CNGB3: variants seen among roughly 807,000 people sequenced by gnomAD.
The protein encoded by CNGB3 is cyclic nucleotide-gated channel beta-3.
In CNGB3, 86 loss-of-function variants were observed where a neutral mutation model predicts 92.8. The observed-to-expected ratio is 0.93, with a 90% CI of 0.78 to 1.11. The LOEUF is 1.11. CNGB3 is among the 50% of genes least tolerant of loss of function. The probability of loss-of-function intolerance (pLI) is 0.00; values close to 1 mark genes in which losing one functional copy is unlikely to be tolerated. For synonymous variants in CNGB3, 333 were observed against 332.7 expected (o/e 1.00, Z -0.01); for missense variants, 1,026 against 956.8 (o/e 1.07, Z -0.95).
chr8:86,578,990 T>C, intron 16 of CNGB3, 116 bp downstream of exon 16: 1 of 1,534,540 alleles, frequency 6.5e-7, no homozygotes, highest in Non-Finnish European at 9.0e-7. Flanking sequence ...AGTTGTTCAT[T>C]AAGCATATCT....
intron 3 of CNGB3, among the ~76,000 whole-genome samples, chr8:86,708,341 C>T (rs945923781): frequency 6.6e-6 from 1 of 151,816 alleles, no homozygotes; most frequent in Non-Finnish European, 1.5e-5. Flanking sequence ...CTCTGGTAAG[C>T]CAGATAAAGA....
At chr8:86,714,463 G>A (rs1044341907) in intron 3 of CNGB3, among the ~76,000 whole-genome samples, 2 of 152,154 alleles carry the variant, frequency 1.3e-5, no homozygotes, top group Non-Finnish European at 2.9e-5. Flanking sequence ...CATATTGCTA[G>A]AAATATGTTA....
chr8:86,587,864 A>G (rs1563716505), intron 15 of CNGB3, among the ~76,000 whole-genome samples: 2 of 152,086 alleles, frequency 1.3e-5, no homozygotes, highest in South Asian at 4.1e-4. Flanking sequence ...GTATTTTCCA[A>G]TTCTGTGATG....
intron 2 of CNGB3, 99 bp downstream of exon 2, chr8:86,739,556 C>T (rs144976758): frequency 6.9e-5 from 106 of 1,546,388 alleles, no homozygotes; most frequent in Non-Finnish European, 8.9e-5. Context: ...AGATAATTCA[C>T]CTAGTCAAGG....
At chr8:86,722,080 A>G (rs1824981615) in intron 3 of CNGB3, among the ~76,000 whole-genome samples, 1 of 152,156 alleles carries the variant, frequency 6.6e-6, no homozygotes, top group African/African-American at 2.4e-5. Context: ...GCCATATACT[A>G]TAGTGTAAAA....
chr8:86,667,471 C>G (rs1823765793), intron 5 of CNGB3, among the ~76,000 whole-genome samples: 1 of 152,212 alleles, frequency 6.6e-6, no homozygotes. Context: ...ACAGACATCA[C>G]TGCAGCCACA....
At position 86,647,633 on chromosome 8, in the gene CNGB3, TA is replaced by T. The variant is rs569316216; in HGVS notation, c.990+167del. 1.3e-4 allele frequency among the ~76,000 whole-genome samples: 20 copies of T among 150,908 alleles called. 1 individual carries two copies. In the South Asian group the frequency reaches 3.7e-3, roughly 28 times the overall value. Reference sequence around the variant, plus strand: ...AGTAGACATTTTTTTCTTCATTCATTAAAAAAAATTATAGCATTGATGAGGG... The same window carrying T: ...AGTAGACATTTTTTTCTTCATTCATTAAAAAAATTATAGCATTGATGAGGG... On this transcript the variant is annotated intron_variant, in intron 8 of 17. Transcript: ENST00000320005.
At chr8:86,690,856 A>T (rs1435103591) in intron 3 of CNGB3, among the ~76,000 whole-genome samples, 1 of 152,192 alleles carries the variant, frequency 6.6e-6, no homozygotes, top group African/African-American at 2.4e-5. Context: ...TTTGTCAAAG[A>T]TCAGGTAGTT....
chr8:86,674,487 T>C (rs962868819), intron 3 of CNGB3, among the ~76,000 whole-genome samples: 2 of 152,202 alleles, frequency 1.3e-5, no homozygotes, highest in Admixed American at 6.5e-5. Flanking sequence ...TCTGCCTATA[T>C]ACATATGGAA....
intron 15 of CNGB3, among the ~76,000 whole-genome samples, chr8:86,579,761 G>A (rs2131533259): frequency 6.6e-6 from 1 of 152,274 alleles, no homozygotes; most frequent in African/African-American, 2.4e-5. Flanking sequence ...GGTTAGCAGT[G>A]GCTGCAGTTC....
At chr8:86,684,148 C>A (rs1031546301) in intron 3 of CNGB3, among the ~76,000 whole-genome samples, 14 of 151,988 alleles carry the variant, frequency 9.2e-5, no homozygotes, top group Non-Finnish European at 1.5e-4. Context: ...AATTCAACAG[C>A]AAAATACCAA....
At chr8:86,650,033 A>G (rs189655288) in intron 7 of CNGB3, among the ~76,000 whole-genome samples, 1 of 151,522 alleles carries the variant, frequency 6.6e-6, no homozygotes, top group South Asian at 2.1e-4. Context: ...TGGCCAAAAA[A>G]CATGAAAAAA....
chr8:86,699,723 A>G lies in CNGB3; in HGVS notation c.338+26808T>C, dbSNP rs151228362. Among the ~76,000 whole-genome samples, 5 of 152,332 alleles carry G rather than the reference A, an allele frequency of 3.3e-5. No individual in the cohort carries two copies. In the East Asian group the frequency reaches 7.7e-4, roughly 24 times the overall value. On this transcript the variant is annotated intron_variant, in intron 3 of 17. Transcript: ENST00000320005. ...AGAAATTTAATTGCCCAGAATTTCA[A>G]TCTGATTGTATTAGATCCCTTTTGC...
chr8:86,576,192 T>G lies in CNGB3; in HGVS notation c.2104-62A>C, dbSNP rs976179537. ...CGTAATTAAAAACATTGGATTAGAT[T>G]TTGATTAGCATGCAATGGCTAAGAT... is the stretch of plus-strand genomic sequence containing the variant. On this transcript the variant is annotated intron_variant, in intron 17 of 17. Coordinates refer to ENST00000320005, the MANE Select transcript of CNGB3 (RefSeq NM_019098.5). The G allele has an allele frequency of 5.8e-6, 9 of 1,562,204 alleles. No homozygotes were observed. The African/African-American group carries it at 1.2e-4, about 21-fold the overall frequency.
intron 10 of CNGB3, among the ~76,000 whole-genome samples, chr8:86,637,797 T>C (rs901765691): frequency 2.0e-5 from 3 of 152,166 alleles, no homozygotes; most frequent in African/African-American, 4.8e-5. Context: ...GACAAATGCA[T>C]ATACCTGTGT....
At chr8:86,742,028 A>G (rs1270243081) in intron 1 of CNGB3, among the ~76,000 whole-genome samples, 2 of 152,200 alleles carry the variant, frequency 1.3e-5, no homozygotes, top group Non-Finnish European at 2.9e-5. Flanking sequence ...ATGTGTAAGG[A>G]GCAAATTGTA....
chr8:86,584,669 A>G (rs1009461992), intron 15 of CNGB3, among the ~76,000 whole-genome samples: 60 of 152,118 alleles, frequency 3.9e-4, no homozygotes, highest in African/African-American at 1.4e-3. Flanking sequence ...AGCCCCACAT[A>G]GAGTTTCTGA....
intron 15 of CNGB3, among the ~76,000 whole-genome samples, chr8:86,599,647 G>A (rs1822249543): frequency 6.6e-6 from 1 of 152,144 alleles, no homozygotes; most frequent in Non-Finnish European, 1.5e-5. Context: ...TACGGTCGCA[G>A]CTGTAGGGTT....
At chr8:86,617,319 A>G (rs1260891325) in intron 13 of CNGB3, among the ~76,000 whole-genome samples, 1 of 152,222 alleles carries the variant, frequency 6.6e-6, no homozygotes, top group Non-Finnish European at 1.5e-5. Flanking sequence ...TTAAGATAGC[A>G]TCAGTATTTT....
Sources: allele counts gnomAD v4.1 joint callset (sites outside exome capture counted in the v4.1 genomes callset), GRCh38; gene constraint gnomAD v4.1.1; transcripts MANE v1.5; gene names NCBI Gene and HGNC (gene_info 2026-07-23, HGNC 2026-07-21).